The following EEPD1 variants were observed in gnomAD, a reference collection of about 807,000 sequenced individuals.
The protein encoded by EEPD1 is endonuclease/exonuclease/phosphatase family domain containing 1, also known as endonuclease/exonuclease/phosphatase family domain-containing protein 1.
A neutral mutation model predicts 46.3 loss-of-function variants in EEPD1; 17 were observed. That is an observed-to-expected ratio of 0.37 (90% CI 0.25 to 0.55). EEPD1 has a LOEUF of 0.55. Ranked by LOEUF, EEPD1 falls within the 20% of genes least tolerant of loss-of-function variation. The probability of loss-of-function intolerance (pLI) is 0.83; values close to 1 mark genes in which losing one functional copy is unlikely to be tolerated. For missense variants in EEPD1, 673 were observed against 745.6 expected, an observed-to-expected ratio of 0.90 and a Z score of 1.13; for synonymous variants, 313 against 315.6, an observed-to-expected ratio of 0.99 and a Z score of 0.09.
At chr7:36,160,543 C>T (rs899227559) in intron 2 of EEPD1, among the ~76,000 whole-genome samples, 6 of 152,078 alleles carry the variant, frequency 3.9e-5, no homozygotes, top group Non-Finnish European at 8.8e-5. Context: ...TGGGTGGGGC[C>T]GCAGAGCAAG....
At chr7:36,182,433 C>A (rs1019130033) in intron 2 of EEPD1, among the ~76,000 whole-genome samples, 2 of 152,148 alleles carry the variant, frequency 1.3e-5, no homozygotes, top group Non-Finnish European at 2.9e-5. Context: ...TCTCAGAGTG[C>A]CTCTCTTTAT....
At chr7:36,211,949 T>C (rs1785942770) in intron 2 of EEPD1, among the ~76,000 whole-genome samples, 1 of 152,080 alleles carries the variant, frequency 6.6e-6, no homozygotes, top group African/African-American at 2.4e-5. Context: ...AAATTAACTT[T>C]TGTGTATCAC....
At chr7:36,298,804 T>C (rs196612) in intron 7 of EEPD1, among the ~76,000 whole-genome samples, 42,861 of 152,040 alleles carry the variant, frequency 0.28, 6,479 homozygotes, top group Non-Finnish European at 0.35. Flanking sequence ...ATGCAGAAAC[T>C]CTCCTTTATG....
chr7:36,238,970 T>G lies in EEPD1; in HGVS notation c.879-15T>G. The G allele has an allele frequency of 6.2e-7, 1 of 1,601,496 alleles. No homozygotes were observed. Among genetic ancestry groups the G allele is most frequent in the Non-Finnish European group, 8.5e-7 (1 of 1,176,610 alleles). On this transcript the variant is annotated splice_polypyrimidine_tract_variant and intron_variant, in intron 2 of 7. Coordinates refer to ENST00000242108, the MANE Select transcript of EEPD1 (RefSeq NM_030636.3). The stretch of plus-strand genomic sequence containing the variant: ...GATTTGTTTTCAAGTGTGGTTTTGA[T>G]TTTTTTTCTTACAGCATCAAGCTTC...
rs1443373734 is a variant in EEPD1, at chr7:36,219,798, A to AGTGT, written c.879-19186_879-19185insTGTG. ...GAAAGAGAGAGAGAGAGAGAGAGAG[A>AGTGT]GAGAGAGAGTGTGTGTGTGTGTGTG... On this transcript the variant is annotated intron_variant, in intron 2 of 7. Coordinates refer to ENST00000242108, the MANE Select transcript of EEPD1 (RefSeq NM_030636.3). Among the ~76,000 whole-genome samples the AGTGT allele has an allele frequency of 4.6e-3, 355 of 76,958 alleles. 2 individuals carry two copies. The highest frequency in any genetic ancestry group is 0.03 in the Middle Eastern group (4 of 132). The allele number at this position is 76,958 out of a possible 152,430, so 50.5% of individuals were successfully genotyped here. A position where few individuals can be genotyped will look rare whatever the true frequency, so the allele number is the denominator to read the frequency against.
Position 36,154,668 on chromosome 7 carries a change from G to A in EEPD1, c.344G>A (p.Arg115Gln). 3 of 1,613,638 alleles carry A rather than the reference G, an allele frequency of 1.9e-6. No homozygotes were observed. The highest frequency in any genetic ancestry group is 1.3e-5 in the African/African-American group (1 of 75,034). The change falls in exon 2 of 8, where the codon CGG (arginine) becomes CAG (glutamine). Residue 115 changes from arginine to glutamine, a missense_variant. Physicochemically the swap from Arg to Gln is conservative, Grantham distance 43. Transcript: ENST00000242108. This position sits in a 1 kb window ranked among gnomAD's most constrained non-coding sequence, Gnocchi z 4.2. ...GCGCAGCACTCTCCCAGTTCCCTGC[G>A]GCGGGACCTGCTAGCGGAGCAGCAG... Reference protein sequence around the residue: ...SSAQHSPSSLRRDLLAEQQPH... With the variant: ...SSAQHSPSSLQRDLLAEQQPH...
chr7:36,227,886 C>A (rs564730739), intron 2 of EEPD1, among the ~76,000 whole-genome samples: 1 of 152,252 alleles, frequency 6.6e-6, no homozygotes, highest in Admixed American at 6.5e-5. Flanking sequence ...AGGGGTTTCA[C>A]CATGTTGGTC....
chr7:36,174,675 G>A (rs114168535), intron 2 of EEPD1, among the ~76,000 whole-genome samples: 2,185 of 152,204 alleles, frequency 0.014, 58 homozygotes, highest in African/African-American at 0.049. Context: ...CCTTCTGATC[G>A]CTTTCACTGG....
chr7:36,234,255 T>C (rs188295167), intron 2 of EEPD1, among the ~76,000 whole-genome samples: 1 of 152,332 alleles, frequency 6.6e-6, no homozygotes, highest in African/African-American at 2.4e-5. Context: ...CTTATAAGCC[T>C]TGAAAACTTT....
At chr7:36,282,167 T>C (rs997722993) in intron 4 of EEPD1, among the ~76,000 whole-genome samples, 5 of 152,228 alleles carry the variant, frequency 3.3e-5, no homozygotes, top group African/African-American at 1.2e-4. Context: ...AAGCTGAATT[T>C]GAATGCATCT....
Position 36,252,065 on chromosome 7 carries a change from A to G in EEPD1, c.930+13029A>G, listed in dbSNP as rs561945968. Among the ~76,000 whole-genome samples, 81 of 152,238 alleles carry G rather than the reference A, an allele frequency of 5.3e-4. 3 individuals are homozygous for G. In the South Asian group the frequency reaches 0.016, roughly 30 times the overall value. ...CATCCACTGCCATCTTTTACTCACG[A>G]TGGTTGTTTAATTAATTTTTCTTCA... On this transcript the variant is annotated intron_variant, in intron 3 of 7. Transcript: ENST00000242108.
intron 7 of EEPD1, among the ~76,000 whole-genome samples, chr7:36,298,509 A>G (rs1787562006): frequency 6.6e-6 from 1 of 152,138 alleles, no homozygotes; most frequent in South Asian, 2.1e-4. Flanking sequence ...TGCTTCATAG[A>G]TTTCTAAATC....
At chr7:36,249,859 A>G (rs1043672708) in intron 3 of EEPD1, among the ~76,000 whole-genome samples, 1 of 152,168 alleles carries the variant, frequency 6.6e-6, no homozygotes, top group African/African-American at 2.4e-5. Flanking sequence ...TACAGTAGCA[A>G]TAAGTGCTTT....
At chr7:36,278,613 A>G (rs1480925118) in intron 3 of EEPD1, among the ~76,000 whole-genome samples, 3 of 152,196 alleles carry the variant, frequency 2.0e-5, no homozygotes, top group Non-Finnish European at 2.9e-5. Context: ...GTGAAGCACC[A>G]GCTGGGCACT....
chr7:36,170,078 A>G (rs1478647077), intron 2 of EEPD1, among the ~76,000 whole-genome samples: 1 of 152,206 alleles, frequency 6.6e-6, no homozygotes, highest in Non-Finnish European at 1.5e-5. Flanking sequence ...TGCTGCCGGC[A>G]TCCACAAATG....
intron 3 of EEPD1, among the ~76,000 whole-genome samples, chr7:36,270,112 G>A (rs774177031): frequency 2.0e-5 from 3 of 152,162 alleles, no homozygotes; most frequent in Non-Finnish European, 4.4e-5. Context: ...GTGTGCATAT[G>A]TGTGTGTATG....
chr7:36,167,712 T>TTTA (rs374228206), intron 2 of EEPD1, among the ~76,000 whole-genome samples: 112 of 151,672 alleles, frequency 7.4e-4, no homozygotes, highest in Admixed American at 2.0e-3. Context: ...CATAGTGCCC[T>TTTA]TTATTATTAT....
At chr7:36,287,510 G>A in intron 5 of EEPD1, 129 bp from the exon 6 acceptor site, 2 of 1,389,886 alleles carry the variant, frequency 1.4e-6, no homozygotes, top group Non-Finnish European at 1.9e-6. Context: ...TCCTGGGGGT[G>A]TGAGCCAGCC....
rs10570788 is a variant in EEPD1, at chr7:36,161,897, C to CAAA, written c.878+6712_878+6714dup. Among the ~76,000 whole-genome samples, 172 of 127,116 alleles carry CAAA rather than the reference C, an allele frequency of 1.4e-3. 2 individuals are homozygous for CAAA. Among genetic ancestry groups the CAAA allele is most frequent in the African/African-American group, 4.5e-3 (161 of 35,468 alleles). 83.4% of individuals were successfully genotyped at this position (127,116 alleles called of 152,430 possible). On this transcript the variant is annotated intron_variant, in intron 2 of 7. Transcript: ENST00000242108. ...TGACAGAGTGAGACCCTGTCTCTCT[C>CAAA]AAAAAAAAAAAAAAAAAAATTACTC...
Sources: gnomAD v4.1 joint callset for allele counts (sites outside exome capture counted in the v4.1 genomes callset) on GRCh38, gnomAD v4.1.1 for gene constraint, Gnocchi (gnomAD v3.1) non-coding constraint, MANE v1.5 for transcripts, NCBI Gene and HGNC (gene_info 2026-07-23, HGNC 2026-07-21) for gene names.